SEC14L1: variants seen among roughly 807,000 people sequenced by gnomAD.
The protein encoded by SEC14L1 is SEC14-like protein 1.
In SEC14L1, 48 loss-of-function variants were observed where a neutral mutation model predicts 85.3. That is an observed-to-expected ratio of 0.56 (90% CI 0.45 to 0.72). The LOEUF is 0.72. Ranked by LOEUF, SEC14L1 falls within the 30% of genes least tolerant of loss-of-function variation. The pLI is 0.00. For synonymous variants in SEC14L1, 391 were observed against 355.5 expected (o/e 1.10, Z -1.12); for missense variants, 682 against 921.4 (o/e 0.74, Z 3.36).
At chr17:77,195,075 T>C (rs1442348570) in intron 7 of SEC14L1, 164 bp downstream of exon 7, 2 of 591,528 alleles carry the variant, frequency 3.4e-6, no homozygotes, top group African/African-American at 1.9e-5. Flanking sequence ...GCTTATGTAA[T>C]ACATTCATTT....
chr17:77,177,505 A>C (rs1178883762), intron 3 of SEC14L1, among the ~76,000 whole-genome samples: 1 of 151,860 alleles, frequency 6.6e-6, no homozygotes, highest in African/African-American at 2.4e-5. Flanking sequence ...AGAAGAATAC[A>C]TTAAAAGTAC....
chr17:77,177,301 C>G (rs533183941), intron 3 of SEC14L1, among the ~76,000 whole-genome samples: 1 of 151,066 alleles, frequency 6.6e-6, no homozygotes, highest in Admixed American at 6.6e-5. Context: ...GTATTGAGAT[C>G]GTTCAGAAAT....
chr17:77,213,964 C>T lies in SEC14L1; in HGVS notation c.2089C>T (p.Leu697=). The stretch of plus-strand genomic sequence containing the variant: ...GTCCAGCCACAGCGGCTTCTCCCAG[C>T]TGAGTGCCGCCACCACCTCCTCCAG... ...LESSHSGFSQ[L]SAATTSSSQS... The change falls in exon 17 of 17, where the codon CTG becomes TTG. Residue 697 remains leucine, a synonymous_variant. Transcript: ENST00000436233. This position sits in a 1 kb window ranked among gnomAD's most constrained non-coding sequence, Gnocchi z 7.1. 6.2e-7 allele frequency: 1 copy of T among 1,613,612 alleles called. No homozygotes were observed. The highest frequency in any genetic ancestry group is 2.2e-5 in the East Asian group (1 of 44,846).
intron 3 of SEC14L1, among the ~76,000 whole-genome samples, chr17:77,161,869 C>T (rs1974075900): frequency 6.7e-6 from 1 of 150,066 alleles, no homozygotes; most frequent in African/African-American, 2.4e-5. Flanking sequence ...CCCCTCCCCT[C>T]CCCTCCCTTC....
rs761159765 is a variant in SEC14L1, at chr17:77,205,342, A to C, written c.1165A>C (p.Ile389Leu). 6.2e-7 allele frequency: 1 copy of C among 1,613,824 alleles called. No individual in the cohort carries two copies. The highest frequency in any genetic ancestry group is 1.1e-5 in the South Asian group (1 of 91,078). ...EENTKVFGRP[I>L]SSWTCLVDLE... Reference sequence around the variant, plus strand: ...GAATACAAAAGTCTTTGGTCGGCCTATCAGGTAGATGTGGGATTTTGTTTT... The same window carrying C: ...GAATACAAAAGTCTTTGGTCGGCCTCTCAGGTAGATGTGGGATTTTGTTTT... Residue 389 changes from isoleucine to leucine, a missense_variant, in exon 11 of 17, where the codon ATC becomes CTC. Physicochemically the swap from Ile to Leu is conservative, Grantham distance 5. Around this residue, in one of 3 missense-constraint regions of SEC14L1, gnomAD observed 420 missense variants for 619.5 expected, o/e 0.68. Coordinates refer to ENST00000436233, the MANE Select transcript of SEC14L1 (RefSeq NM_001143998.2).
intron 13 of SEC14L1, among the ~76,000 whole-genome samples, chr17:77,207,080 T>C (rs911758653): frequency 3.9e-5 from 6 of 152,246 alleles, no homozygotes; most frequent in African/African-American, 1.2e-4. Flanking sequence ...TAAATACGAA[T>C]GAGAATTCGT....
intron 3 of SEC14L1, among the ~76,000 whole-genome samples, chr17:77,129,030 T>C (rs1972534964): frequency 6.6e-6 from 1 of 152,136 alleles, no homozygotes; most frequent in Non-Finnish European, 1.5e-5. Context: ...TGTTTTTCTG[T>C]TGGGGGAAAT....
At chr17:77,166,916 T>G (rs544647618) in intron 3 of SEC14L1, among the ~76,000 whole-genome samples, 45 of 152,238 alleles carry the variant, frequency 3.0e-4, no homozygotes, top group African/African-American at 1.0e-3. Context: ...GGAAGCTGAT[T>G]AGGGTGCATG....
chr17:77,200,775 A>G (rs1976096139), intron 9 of SEC14L1, 102 bp downstream of exon 9: 1 of 1,104,258 alleles, frequency 9.1e-7, no homozygotes, highest in Non-Finnish European at 1.3e-6. Flanking sequence ...GGCCCCCTTG[A>G]GTGCATCGTT....
At chr17:77,145,222 G>C (rs1190712926) in intron 3 of SEC14L1, among the ~76,000 whole-genome samples, 1 of 152,100 alleles carries the variant, frequency 6.6e-6, no homozygotes, top group South Asian at 2.1e-4. Flanking sequence ...TTGAACTTCT[G>C]CCCTCAGGTG....
rs1438053614 is a variant in SEC14L1, at chr17:77,215,775, AGTAGGTAGGGTTC to A, written c.*1776_*1788del. Reference sequence around the variant, plus strand: ...GTAGGTAGGGCTAGTAGGTAGGGCTAGTAGGTAGGGTTCGTAGGTAGGGTTCGTAGGTAGGGCT... The same window carrying A: ...GTAGGTAGGGCTAGTAGGTAGGGCTAGTAGGTAGGGTTCGTAGGTAGGGCT... On this transcript the variant is annotated 3_prime_UTR_variant, in exon 17 of 17. Transcript: ENST00000436233. The A allele has an allele frequency of 3.5e-4, 336 of 966,204 alleles. 2 individuals are homozygous for A. In the South Asian group the frequency reaches 4.1e-3, roughly 12 times the overall value. 59.9% of individuals were successfully genotyped at this position (966,204 alleles called of 1,614,324 possible). A position where few individuals can be genotyped will look rare whatever the true frequency, so the allele number is the denominator to read the frequency against.
Position 77,216,606 on chromosome 17 carries a change from C to G in SEC14L1, c.*2583C>G. 1 of 1,613,198 alleles carries G rather than the reference C, an allele frequency of 6.2e-7. No homozygotes were observed. Among genetic ancestry groups the G allele is most frequent in the Non-Finnish European group, 8.5e-7 (1 of 1,179,404 alleles). ...GCTTCACTCAACAGTCCTCATGTGC[C>G]CAGAGATGTTTATAGAACTGTTTGA... On this transcript the variant is annotated 3_prime_UTR_variant, in exon 17 of 17. Transcript: ENST00000436233.
chr17:77,118,377 G>A (rs1016847486), intron 3 of SEC14L1, among the ~76,000 whole-genome samples: 5 of 152,158 alleles, frequency 3.3e-5, no homozygotes, highest in Admixed American at 6.5e-5. Context: ...TACCACCTTC[G>A]TTCAGTAGGC....
At chr17:77,138,947 G>A (rs1280269461), upstream of SEC14L1, among the ~76,000 whole-genome samples, 1 of 152,110 alleles carries the variant, frequency 6.6e-6, no homozygotes, top group African/African-American at 2.4e-5. Context: ...ATGAATGTAT[G>A]GCTCAACAAA....
chr17:77,214,329 C>G lies in SEC14L1; in HGVS notation c.*306C>G. 1 of 1,109,658 alleles carries G rather than the reference C, an allele frequency of 9.0e-7. No homozygotes were observed. Among genetic ancestry groups the G allele is most frequent in the African/African-American group, 1.6e-5 (1 of 61,624 alleles). The allele number at this position is 1,109,658 out of a possible 1,614,324, so 68.7% of individuals were successfully genotyped here. On this transcript the variant is annotated 3_prime_UTR_variant, in exon 17 of 17. Transcript: ENST00000436233. ...ACCAATTAAAGGATTGACGTGGTCT[C>G]AGATATTGATGCAAAAAATTTTTCC... is the stretch of plus-strand genomic sequence containing the variant.
intron 3 of SEC14L1, among the ~76,000 whole-genome samples, chr17:77,149,856 G>GTTTTTTT (rs201022692): frequency 4.0e-5 from 5 of 123,924 alleles, no homozygotes; most frequent in Non-Finnish European, 5.3e-5. Context: ...GCTGATTTGT[G>GTTTTTTT]TTTTTTTTTT....
At chr17:77,153,082 T>A (rs774249159) in intron 3 of SEC14L1, among the ~76,000 whole-genome samples, 73 of 152,264 alleles carry the variant, frequency 4.8e-4, no homozygotes, top group Middle Eastern at 3.4e-3. Context: ...TATTATTATT[T>A]TTTTGAGGCA....
At chr17:77,129,802 A>G (rs539290681) in intron 3 of SEC14L1, among the ~76,000 whole-genome samples, 1 of 152,212 alleles carries the variant, frequency 6.6e-6, no homozygotes, top group African/African-American at 2.4e-5. Flanking sequence ...CCTCTGGTCT[A>G]TACCCTGTTA....
chr17:77,175,568 GT>G (rs1338164371), intron 3 of SEC14L1, among the ~76,000 whole-genome samples: 1 of 152,202 alleles, frequency 6.6e-6, no homozygotes, highest in East Asian at 1.9e-4. Flanking sequence ...GGCAGCTGTA[GT>G]TCCGGCCTAC....
Sources: gnomAD v4.1 joint callset for allele counts (sites outside exome capture counted in the v4.1 genomes callset) on GRCh38, gnomAD v4.1.1 for gene constraint, gnomAD v4.1.1 regional missense constraint, Gnocchi (gnomAD v3.1) non-coding constraint, MANE v1.5 for transcripts, NCBI Gene and HGNC (gene_info 2026-07-23, HGNC 2026-07-21) for gene names.